Variants in GOLGA5 observed in about 807,000 individuals in gnomAD.
GOLGA5 encodes the protein golgin A5, also known as golgin subfamily A member 5.
A neutral mutation model predicts 93.5 loss-of-function variants in GOLGA5; 50 were observed. That is an observed-to-expected ratio of 0.53 (90% confidence interval 0.43 to 0.68). The LOEUF is 0.68. Ranked by LOEUF, GOLGA5 falls within the 30% of genes least tolerant of loss-of-function variation. The pLI is 0.00. For synonymous variants in GOLGA5, 312 were observed against 304.5 expected (o/e 1.02, Z -0.26); for missense variants, 760 against 856.4 (o/e 0.89, Z 1.40).
intron 8 of GOLGA5, among the ~76,000 whole-genome samples, chr14:92,820,339 A>G (rs1173041487): frequency 3.9e-5 from 6 of 152,238 alleles, no homozygotes; most frequent in Admixed American, 3.9e-4. Flanking sequence ...CCACCCAAAC[A>G]TCTCAGTGGA....
Position 92,837,753 on chromosome 14 carries a change from A to T in GOLGA5, c.2115+304A>T, listed in dbSNP as rs182883775. 1.7e-3 allele frequency among the ~76,000 whole-genome samples: 266 copies of T among 152,152 alleles called. 1 individual carries two copies. The highest frequency in any genetic ancestry group is 3.6e-3 in the Admixed American group (55 of 15,268). On this transcript the variant is annotated intron_variant, in intron 12 of 12. Transcript: ENST00000163416. ...TAATATTTGTATTTTTTGTAGAGACAGGGTTTCACCATGTTGCCCAGGATA... is the reference window on the plus strand; with the variant it reads ...TAATATTTGTATTTTTTGTAGAGACTGGGTTTCACCATGTTGCCCAGGATA...
chr14:92,794,618 T>G (rs531700975), intron 1 of GOLGA5, among the ~76,000 whole-genome samples, 162 bp downstream of exon 1: 1 of 152,352 alleles, frequency 6.6e-6, no homozygotes, highest in Non-Finnish European at 1.5e-5. Flanking sequence ...GAGAGACTCC[T>G]TGGGCTTCAG....
chr14:92,818,424 G>GT (rs1885252147), intron 7 of GOLGA5, among the ~76,000 whole-genome samples: 1 of 152,206 alleles, frequency 6.6e-6, no homozygotes, highest in African/African-American at 2.4e-5. Flanking sequence ...TGCAAGACTA[G>GT]TAAAGTGGCA....
chr14:92,815,258 A>T (rs1885178900), intron 6 of GOLGA5, among the ~76,000 whole-genome samples: 1 of 152,192 alleles, frequency 6.6e-6, no homozygotes, highest in Non-Finnish European at 1.5e-5. Context: ...CACTTTAAAA[A>T]AGTCTACCCA....
intron 4 of GOLGA5, 57 bp downstream of exon 4, chr14:92,809,576 G>A (rs758964687): frequency 2.5e-4 from 256 of 1,032,568 alleles, no homozygotes; most frequent in Non-Finnish European, 3.3e-4. Context: ...ACATTGTAGT[G>A]TATCCACTTA....
chr14:92,799,459 T>TTC (rs61533225), intron 2 of GOLGA5, among the ~76,000 whole-genome samples: 5 of 148,948 alleles, frequency 3.4e-5, no homozygotes, highest in African/African-American at 1.2e-4. Context: ...TTTTTTTTTT[T>TTC]GTATTTTTAG....
intron 12 of GOLGA5, among the ~76,000 whole-genome samples, chr14:92,838,373 GT>G (rs3831877): frequency 3.4e-5 from 5 of 148,744 alleles, no homozygotes; most frequent in African/African-American, 7.4e-5. Context: ...GTTTTGTGTT[GT>G]TTTTTTTTTC....
intron 2 of GOLGA5, among the ~76,000 whole-genome samples, chr14:92,800,794 T>C (rs898659350): frequency 1.3e-5 from 2 of 152,152 alleles, no homozygotes; most frequent in Non-Finnish European, 2.9e-5. Context: ...AAGTCAAGAG[T>C]TGACATAGCT....
intron 6 of GOLGA5, among the ~76,000 whole-genome samples, chr14:92,814,918 G>A (rs369777947): frequency 6.6e-6 from 1 of 151,930 alleles, no homozygotes; most frequent in East Asian, 1.9e-4. Context: ...CATATTCTTT[G>A]TCTTTATTAT....
intron 11 of GOLGA5, among the ~76,000 whole-genome samples, chr14:92,836,367 A>C (rs1051376065): frequency 7.2e-5 from 11 of 152,232 alleles, no homozygotes; most frequent in Admixed American, 5.9e-4. Flanking sequence ...TGATATACCA[A>C]GATGACTGAA....
chr14:92,831,111 G>A (rs148063598), intron 9 of GOLGA5, among the ~76,000 whole-genome samples: 1 of 152,266 alleles, frequency 6.6e-6, no homozygotes, highest in Non-Finnish European at 1.5e-5. Context: ...GAAAAGATTG[G>A]CAGTAGCATG....
intron 2 of GOLGA5, among the ~76,000 whole-genome samples, chr14:92,802,424 A>G (rs1183725809): frequency 6.6e-6 from 1 of 152,122 alleles, no homozygotes; most frequent in Non-Finnish European, 1.5e-5. Flanking sequence ...TCAACAACAC[A>G]ATTATCTGTG....
chr14:92,803,732 C>A (rs1250016778), intron 2 of GOLGA5, among the ~76,000 whole-genome samples: 10 of 152,168 alleles, frequency 6.6e-5, no homozygotes, highest in African/African-American at 2.4e-4. Flanking sequence ...GTTATTCATA[C>A]CAACCCTGCA....
chr14:92,837,117 G>C (rs1885658528), intron 11 of GOLGA5, among the ~76,000 whole-genome samples: 1 of 151,714 alleles, frequency 6.6e-6, no homozygotes, highest in Non-Finnish European at 1.5e-5. Context: ...TACAGTTGTG[G>C]CTGTAGAATT....
Position 92,819,895 on chromosome 14 carries a change from A to G in GOLGA5, c.1620+59A>G, listed in dbSNP as rs938112290. 6.5e-6 allele frequency: 10 copies of G among 1,549,500 alleles called. No individual in the cohort carries two copies. In the African/African-American group the frequency reaches 1.2e-4, roughly 19 times the overall value. On this transcript the variant is annotated intron_variant, in intron 8 of 12. Transcript: ENST00000163416. Reference sequence around the variant, plus strand: ...TGTCCTCTAGCGGTCATATGAGCAGACCTCCCAGGAAAGCAGCTTACTGAA... The same window carrying G: ...TGTCCTCTAGCGGTCATATGAGCAGGCCTCCCAGGAAAGCAGCTTACTGAA...
At chr14:92,826,091 GC>G (rs1364004874) in intron 9 of GOLGA5, among the ~76,000 whole-genome samples, 1 of 152,084 alleles carries the variant, frequency 6.6e-6, no homozygotes, top group East Asian at 1.9e-4. Context: ...GGAGTTCAAG[GC>G]TGCAGTGAGC....
At chr14:92,795,026 T>C (rs1884692939) in intron 1 of GOLGA5, among the ~76,000 whole-genome samples, 1 of 152,266 alleles carries the variant, frequency 6.6e-6, no homozygotes, top group Admixed American at 6.5e-5. Flanking sequence ...TTAGTAGCAG[T>C]TGCATGGTAT....
intron 8 of GOLGA5, among the ~76,000 whole-genome samples, chr14:92,823,569 C>T (rs532563875): frequency 9.9e-5 from 15 of 151,856 alleles, no homozygotes; most frequent in South Asian, 4.2e-4. Context: ...CACGCACCAC[C>T]GAGCCTGGCT....
At chr14:92,827,521 G>A (rs1047406372) in intron 9 of GOLGA5, among the ~76,000 whole-genome samples, 3 of 152,082 alleles carry the variant, frequency 2.0e-5, no homozygotes, top group African/African-American at 7.2e-5. Context: ...CCTCTCCTCA[G>A]GCCTTTCTAG....
Sources: allele counts gnomAD v4.1 joint callset (sites outside exome capture counted in the v4.1 genomes callset), GRCh38; gene constraint gnomAD v4.1.1; transcripts MANE v1.5; gene names NCBI Gene and HGNC (gene_info 2026-07-23, HGNC 2026-07-21).